Variants in PLD5 observed in about 807,000 individuals in gnomAD.
PLD5 encodes the protein phospholipase D family member 5.
PLD5 carries 36 observed loss-of-function variants against 61.1 expected under a neutral mutation model. The observed-to-expected ratio is 0.59, with a 90% CI of 0.45 to 0.78. The LOEUF is 0.78. Ranked by LOEUF, PLD5 falls within the 30% of genes least tolerant of loss-of-function variation. PLD5 has a pLI of 0.00. For synonymous variants in PLD5, 243 were observed against 242.8 expected (o/e 1.00, Z -0.01); for missense variants, 515 against 644.4 (o/e 0.80, Z 2.17).
chr1:242,366,737 A>G (rs764118374), intron 1 of PLD5, among the ~76,000 whole-genome samples: 1 of 152,168 alleles, frequency 6.6e-6, no homozygotes, highest in Non-Finnish European at 1.5e-5. Context: ...CTCTTTCACT[A>G]AATTGAGCTC....
At chr1:242,376,858 T>C (rs1661992159) in intron 1 of PLD5, 3 of 1,498,480 alleles carry the variant, frequency 2.0e-6, no homozygotes, top group African/African-American at 1.4e-5. Flanking sequence ...TGCAAACTTT[T>C]TGTAACAAAA....
At chr1:242,366,125 G>A (rs1406840255) in intron 1 of PLD5, among the ~76,000 whole-genome samples, 1 of 152,110 alleles carries the variant, frequency 6.6e-6, no homozygotes, top group Admixed American at 6.5e-5. Context: ...AGCAGACAAA[G>A]ACTTAAATAT....
chr1:242,114,649 G>C (rs1054001167), intron 6 of PLD5, among the ~76,000 whole-genome samples: 3 of 152,152 alleles, frequency 2.0e-5, no homozygotes, highest in Non-Finnish European at 4.4e-5. Flanking sequence ...TCAGACGAGT[G>C]GGGGCATTAG....
At chr1:242,163,552 A>G (rs1019131084) in intron 5 of PLD5, among the ~76,000 whole-genome samples, 12 of 152,180 alleles carry the variant, frequency 7.9e-5, no homozygotes, top group Admixed American at 6.5e-4. Flanking sequence ...AAAGAGAAAG[A>G]GGTGGAAAGG....
At position 242,195,309 on chromosome 1, in the gene PLD5, G is replaced by A. The variant is rs141024008; in HGVS notation, c.735+24679C>T. On this transcript the variant is annotated intron_variant, in intron 5 of 9. Transcript: ENST00000536534. ...TTTACCACCTCTGAGAAGTCTATGT[G>A]GGGTTTCTTGTCTCAGAGGGTAAAG... is the stretch of plus-strand genomic sequence containing the variant. Among the ~76,000 whole-genome samples, 807 of 152,248 alleles carry A rather than the reference G, an allele frequency of 5.3e-3. 9 individuals are homozygous for A. The highest frequency in any genetic ancestry group is 0.019 in the African/African-American group (778 of 41,552).
chr1:242,499,701 T>C (rs1038283419), intron 1 of PLD5, among the ~76,000 whole-genome samples: 3 of 152,210 alleles, frequency 2.0e-5, no homozygotes, highest in Non-Finnish European at 2.9e-5. Flanking sequence ...CAGTTACCCA[T>C]AGCTGTCGAA....
chr1:242,468,430 G>A (rs1301925363), intron 1 of PLD5, among the ~76,000 whole-genome samples: 1 of 152,094 alleles, frequency 6.6e-6, no homozygotes, highest in Non-Finnish European at 1.5e-5. Context: ...TGGGGGCAAA[G>A]TAAAATAGAA....
At chr1:242,276,127 T>C (rs1161330139) in intron 3 of PLD5, among the ~76,000 whole-genome samples, 2 of 151,830 alleles carry the variant, frequency 1.3e-5, no homozygotes, top group Admixed American at 6.6e-5. Flanking sequence ...CACTTGAGGC[T>C]TGGAGCTGGA....
At chr1:242,511,430 G>A (rs10926758) in intron 1 of PLD5, among the ~76,000 whole-genome samples, 51,463 of 151,958 alleles carry the variant, frequency 0.34, 9,065 homozygotes, top group Admixed American at 0.42. Context: ...TAACTTTATA[G>A]TGAGAAACAC....
intron 2 of PLD5, among the ~76,000 whole-genome samples, chr1:242,346,114 AAGG>A (rs1251333415): frequency 1.4e-5 from 2 of 144,024 alleles, no homozygotes; most frequent in Non-Finnish European, 3.0e-5. Context: ...ACCCAAAGGA[AAGG>A]AGAATGCCTA....
At chr1:242,244,286 A>G (rs1045111887) in intron 4 of PLD5, among the ~76,000 whole-genome samples, 1 of 152,216 alleles carries the variant, frequency 6.6e-6, no homozygotes, top group African/African-American at 2.4e-5. Flanking sequence ...GCAGGCACAT[A>G]AGCTGCTCCA....
chr1:242,379,396 G>C (rs967269504), intron 1 of PLD5, among the ~76,000 whole-genome samples: 1 of 152,096 alleles, frequency 6.6e-6, no homozygotes, highest in Non-Finnish European at 1.5e-5. Flanking sequence ...TCAAAGGTTT[G>C]TGCAAATAAA....
intron 4 of PLD5, among the ~76,000 whole-genome samples, chr1:242,235,202 C>G (rs370404231): frequency 5.9e-5 from 9 of 152,094 alleles, no homozygotes; most frequent in African/African-American, 2.2e-4. Flanking sequence ...AGGGTAATAA[C>G]AGGGTTCTGA....
intron 1 of PLD5, among the ~76,000 whole-genome samples, chr1:242,388,463 T>C (rs1443352691): frequency 1.3e-5 from 2 of 151,982 alleles, no homozygotes; most frequent in Admixed American, 6.6e-5. Flanking sequence ...GCACAGACCA[T>C]GGAAGGCAAG....
chr1:242,495,403 A>T (rs998187022), intron 1 of PLD5, among the ~76,000 whole-genome samples: 2 of 152,114 alleles, frequency 1.3e-5, no homozygotes, highest in African/African-American at 4.8e-5. Flanking sequence ...TTTTAGAAGA[A>T]TTGGATTCCA....
At chr1:242,168,158 T>C (rs1416470483) in intron 5 of PLD5, among the ~76,000 whole-genome samples, 1 of 152,228 alleles carries the variant, frequency 6.6e-6, no homozygotes, top group African/African-American at 2.4e-5. Flanking sequence ...ACAATCGCCT[T>C]TAAAGAAAGC....
At chr1:242,204,446 G>A (rs999975783) in intron 5 of PLD5, among the ~76,000 whole-genome samples, 21 of 152,226 alleles carry the variant, frequency 1.4e-4, no homozygotes, top group African/African-American at 2.9e-4. Context: ...TAACCAAGGC[G>A]TTGCTGCCCA....
intron 1 of PLD5, among the ~76,000 whole-genome samples, chr1:242,403,485 T>A (rs913499727): frequency 2.9e-5 from 4 of 139,956 alleles, no homozygotes; most frequent in East Asian, 2.1e-4. Context: ...TTTTTTTTTT[T>A]AAGATATCTC....
intron 6 of PLD5, among the ~76,000 whole-genome samples, chr1:242,116,162 A>G (rs951430680): frequency 1.4e-4 from 21 of 152,270 alleles, no homozygotes; most frequent in Admixed American, 9.2e-4. Flanking sequence ...GAATGGTAGT[A>G]TTGGGCGGTC....
Sources: gnomAD v4.1 joint callset for allele counts (sites outside exome capture counted in the v4.1 genomes callset) on GRCh38, gnomAD v4.1.1 for gene constraint, MANE v1.5 for transcripts, NCBI Gene and HGNC (gene_info 2026-07-23, HGNC 2026-07-21) for gene names.